Variants in UMOD observed in about 807,000 individuals in gnomAD.
UMOD encodes Tamm-Horsfall urinary glycoprotein.
In UMOD, 64 loss-of-function variants were observed where a neutral mutation model predicts 66.0. That is an observed-to-expected ratio of 0.97 (90% CI 0.79 to 1.19). UMOD has a LOEUF of 1.19. Among genes scored for constraint, UMOD ranks in the 50% most tolerant of loss-of-function variants. The pLI, the probability that UMOD is intolerant of heterozygous loss-of-function variation, is 0.00. For synonymous variants in UMOD, 398 were observed against 352.7 expected, an observed-to-expected ratio of 1.13 and a Z score of -1.44; for missense variants, 764 against 850.9, an observed-to-expected ratio of 0.90 and a Z score of 1.27.
chr16:20,344,377 C>G (rs893467069), intron 5 of UMOD, among the ~76,000 whole-genome samples: 1 of 151,932 alleles, frequency 6.6e-6, no homozygotes, highest in Non-Finnish European at 1.5e-5. Flanking sequence ...CCGAGGCAGG[C>G]GGATCACCTG....
intron 2 of UMOD, chr16:20,349,770 C>T (rs1567311967): frequency 6.5e-7 from 1 of 1,548,646 alleles, no homozygotes; most frequent in African/African-American, 1.4e-5. Flanking sequence ...ATGTTTTCTG[C>T]TTCCCTGGCT....
At position 20,348,137 on chromosome 16, in the gene UMOD, G is replaced by A. The variant is rs535817234; in HGVS notation, c.973+86C>T. On this transcript the variant is annotated intron_variant, in intron 4 of 10. Transcript: ENST00000396138. ...ATATCCCCTGCGTCATACCCATATG[G>A]CCCCAATCTCACAGGGGAGGAATGT... is the stretch of plus-strand genomic sequence containing the variant. 10 of 1,186,200 alleles carry A rather than the reference G, an allele frequency of 8.4e-6. No individual in the cohort carries two copies. The Admixed American group carries it at 1.0e-4, about 12-fold the overall frequency. 73.5% of individuals were successfully genotyped at this position (1,186,200 alleles called of 1,614,324 possible).
rs757073233 is a variant in UMOD, at chr16:20,348,467, C to T, written c.834G>A (p.Ala278=). 5 of 1,613,156 alleles carry T rather than the reference C, an allele frequency of 3.1e-6. No homozygotes were observed. Among genetic ancestry groups the T allele is most frequent in the South Asian group, 1.1e-5 (1 of 91,062 alleles). ...AGTACGCCAGGTGACACTCGGGGGG[C>T]GCTGTCAGGTTGTAGACGTAGTAGC... ...AGGYYVYNLT[A]PPECHLAYCT... The change falls in exon 3 of 11, where the codon GCG becomes GCA. Residue 278 remains alanine (A), a synonymous_variant. Transcript: ENST00000396138.
At position 20,348,241 on chromosome 16, in the gene UMOD, G is replaced by A. The variant is rs751156376; in HGVS notation, c.955C>T (p.Gln319Ter). The change falls in exon 4 of 11, where the codon CAG becomes TAG. Residue 319 changes from glutamine (Q) to a stop codon, truncating the protein, a stop_gained. Coordinates refer to ENST00000396138, the MANE Select transcript of UMOD (RefSeq NM_003361.4). LOFTEE classifies it high-confidence loss of function. Reference protein sequence around the residue: ...NNGRWHCQCKQDFNITDISLL... With the variant: ...NNGRWHCQCK Reference sequence around the variant, plus strand: ...GCCTCACCAGTGATGTTGAAGTCCTGTTTGCACTGGCAGTGCCATCTGCCA... The same window carrying A: ...GCCTCACCAGTGATGTTGAAGTCCTATTTGCACTGGCAGTGCCATCTGCCA... 12 of 1,613,976 alleles carry A rather than the reference G, an allele frequency of 7.4e-6. No homozygotes were observed. Among genetic ancestry groups the A allele is most frequent in the African/African-American group, 1.3e-5 (1 of 74,932 alleles).
intron 10 of UMOD, among the ~76,000 whole-genome samples, chr16:20,334,423 T>G (rs1287167728): frequency 6.6e-6 from 1 of 152,188 alleles, no homozygotes; most frequent in Non-Finnish European, 1.5e-5. Flanking sequence ...AATAAGTGTG[T>G]GTACATCTGC....
chr16:20,341,286 G>A lies in UMOD; in HGVS notation c.1382C>T (p.Ala461Val), dbSNP rs780475918. The A allele has an allele frequency of 9.3e-6, 15 of 1,613,872 alleles. No homozygotes were observed. The highest frequency in any genetic ancestry group is 3.3e-5 in the Admixed American group (2 of 59,990). ...GGTGMFTVRM[A>V]LFQTPSYTQP... ...CGTGTAGGAAGGGGTCTGGAAGAGC[G>A]CCATCCGCACGGTGAACATGCCGGT... is the stretch of plus-strand genomic sequence containing the variant. Residue 461 changes from alanine (A) to valine (V), a missense_variant, in exon 7 of 11, where the codon GCG (alanine) becomes GTG (valine). Transcript: ENST00000396138.
Position 20,348,220 on chromosome 16 carries a change from C to T in UMOD, c.973+3G>A, listed in dbSNP as rs1359389743. On this transcript the variant is annotated splice_donor_region_variant and intron_variant, in intron 4 of 10. Coordinates refer to ENST00000396138, the MANE Select transcript of UMOD (RefSeq NM_003361.4). The stretch of plus-strand genomic sequence containing the variant: ...CAACCCGCTTCCTCCCCACTGGCCT[C>T]ACCAGTGATGTTGAAGTCCTGTTTG... 1.9e-6 allele frequency: 3 copies of T among 1,613,094 alleles called. No individual in the cohort carries two copies. The highest frequency in any genetic ancestry group is 2.5e-6 in the Non-Finnish European group (3 of 1,179,382).
intron 4 of UMOD, 75 bp downstream of exon 4, chr16:20,348,148 A>G: frequency 2.3e-6 from 3 of 1,320,622 alleles, no homozygotes; most frequent in Non-Finnish European, 3.3e-6. Context: ...CCCCAATCTC[A>G]CAGGGGAGGA....
chr16:20,336,613 C>A, intron 9 of UMOD, 33 bp downstream of exon 9: 2 of 1,602,690 alleles, frequency 1.2e-6, no homozygotes, highest in Non-Finnish European at 1.7e-6. Context: ...TCTTTCCCAG[C>A]CAGGAATGTT....
At chr16:20,350,964 T>C in intron 1 of UMOD, 125 bp from the exon 2 acceptor site, 2 of 954,574 alleles carry the variant, frequency 2.1e-6, no homozygotes, top group Non-Finnish European at 3.0e-6. Context: ...AAAAATTGCA[T>C]AACACTGCAG....
At chr16:20,335,547 G>A (rs756926617) in intron 9 of UMOD, 27 bp from the exon 10 acceptor site, 2 of 1,611,648 alleles carry the variant, frequency 1.2e-6, no homozygotes, top group Non-Finnish European at 1.7e-6. Flanking sequence ...AAGGATCAGT[G>A]AATAAAGAAT....
chr16:20,355,598 A>T (rs1267132326), upstream of UMOD, among the ~76,000 whole-genome samples: 2 of 151,058 alleles, frequency 1.3e-5, no homozygotes, highest in African/African-American at 4.9e-5. Flanking sequence ...TTTTTTTTGT[A>T]CACATTGGCC....
intron 1 of UMOD, chr16:20,351,257 C>G: frequency 4.8e-6 from 1 of 210,032 alleles, no homozygotes; most frequent in Non-Finnish European, 9.7e-6. Context: ...GGGAGCTAGT[C>G]ACCATGGAGA....
chr16:20,333,264 C>G lies in UMOD; in HGVS notation c.*50G>C. ...ACTGGCCCGCATCATGCCCCCTGCC[C>G]AGCAGGAGGTGAGATGGCAGCCATG... On this transcript the variant is annotated 3_prime_UTR_variant, in exon 11 of 11. Coordinates refer to ENST00000396138, the MANE Select transcript of UMOD (RefSeq NM_003361.4). 6.4e-7 allele frequency: 1 copy of G among 1,570,308 alleles called. No individual in the cohort carries two copies.
chr16:20,338,223 C>T (rs1406036605), intron 7 of UMOD, among the ~76,000 whole-genome samples: 1 of 152,216 alleles, frequency 6.6e-6, no homozygotes, highest in Non-Finnish European at 1.5e-5. Context: ...GTTAAGTGGA[C>T]TCAACTCCTG....
rs1596557132 is a variant in UMOD, at chr16:20,346,210, G to A, written c.1098C>T (p.Cys366=). 1 of 1,614,236 alleles carries A rather than the reference G, an allele frequency of 6.2e-7. No homozygotes were observed. The change falls in exon 5 of 11, where the codon TGC becomes TGT. Residue 366 remains cysteine, a synonymous_variant. Coordinates refer to ENST00000396138, the MANE Select transcript of UMOD (RefSeq NM_003361.4). ...KVFMYLSDSR[C]SGFNDRDNRD... is the part of the protein sequence containing the mutation. ...GGTTGTCTCTGTCATTGAAGCCCGAGCACCGGCTGTCACTCAGGTACATGA... is the reference window on the plus strand; with the variant it reads ...GGTTGTCTCTGTCATTGAAGCCCGAACACCGGCTGTCACTCAGGTACATGA...
chr16:20,352,081 T>A (rs1025948034), intron 1 of UMOD, among the ~76,000 whole-genome samples: 50 of 148,632 alleles, frequency 3.4e-4, no homozygotes, highest in African/African-American at 1.1e-3. Context: ...TGCAGTCGCT[T>A]CTGCATGTAT....
chr16:20,346,371 A>G (rs2141667061), intron 4 of UMOD, 37 bp from the exon 5 acceptor site: 1 of 1,611,116 alleles, frequency 6.2e-7, no homozygotes, highest in Non-Finnish European at 8.5e-7. Context: ...ACGTGTGTCT[A>G]TAGCTTGGGG....
chr16:20,344,170 C>T lies in UMOD; in HGVS notation c.1185G>A (p.Arg395=), dbSNP rs772565320. 1.9e-6 allele frequency: 3 copies of T among 1,611,308 alleles called. 1 individual carries two copies. The highest frequency in any genetic ancestry group is 2.5e-6 in the Non-Finnish European group (3 of 1,178,488). Residue 395 remains arginine (R), a splice_region_variant and synonymous_variant, in exon 6 of 11, where the codon AGG becomes AGA. Coordinates refer to ENST00000396138, the MANE Select transcript of UMOD (RefSeq NM_003361.4). ...RDGPCGTVLT[R]NETHATYSNT... ...TGCTGTAAGTGGCATGGGTTTCATT[C>T]CTCTGTTGCAGGGAATGGGGGTGGA... is the stretch of plus-strand genomic sequence containing the variant.
Sources: allele counts gnomAD v4.1 joint callset (sites outside exome capture counted in the v4.1 genomes callset), GRCh38; gene constraint gnomAD v4.1.1; transcripts MANE v1.5; gene names NCBI Gene and HGNC (gene_info 2026-07-23, HGNC 2026-07-21).